SUGCT: variants seen among roughly 807,000 people sequenced by gnomAD.
The protein encoded by SUGCT is succinyl-CoA:glutarate-CoA transferase.
A neutral mutation model predicts 55.0 loss-of-function variants in SUGCT; 41 were observed. The observed-to-expected ratio is 0.74, with a 90% confidence interval of 0.58 to 0.97. The LOEUF is 0.97. Ranked by LOEUF, SUGCT falls within the 50% of genes least tolerant of loss-of-function variation. The probability of loss-of-function intolerance (pLI) is 0.00; values close to 1 mark genes in which losing one functional copy is unlikely to be tolerated. For synonymous variants in SUGCT, 187 were observed against 200.4 expected (o/e 0.93, Z 0.56); for missense variants, 568 against 547.8 (o/e 1.04, Z -0.37).
At chr7:40,620,832 T>A (rs1463582570) in intron 12 of SUGCT, among the ~76,000 whole-genome samples, 1 of 152,228 alleles carries the variant, frequency 6.6e-6, no homozygotes, top group Non-Finnish European at 1.5e-5. Context: ...CTTTCCTCAC[T>A]GTTAGCTAAA....
chr7:40,870,536 A>G, the SUGCT span, among the ~76,000 whole-genome samples: 2 of 152,170 alleles, frequency 1.3e-5, no homozygotes, highest in Admixed American at 1.3e-4. Context: ...AGTCTTTCCC[A>G]TGTAAGATAA....
At chr7:40,731,896 G>T (rs1166431984) in intron 12 of SUGCT, among the ~76,000 whole-genome samples, 1 of 152,084 alleles carries the variant, frequency 6.6e-6, no homozygotes, top group Non-Finnish European at 1.5e-5. Flanking sequence ...AGTCTCTTTT[G>T]GACCAGAAGA....
Position 40,291,114 on chromosome 7 carries a change from C to A in SUGCT, c.720+16458C>A, listed in dbSNP as rs561903492. On this transcript the variant is annotated intron_variant, in intron 8 of 13. Coordinates refer to ENST00000335693, the MANE Select transcript of SUGCT (RefSeq NM_001193313.2). The stretch of plus-strand genomic sequence containing the variant: ...CAGTGTGGTGATTCCTCAGGGATCT[C>A]GAACTAGAAATACCATTTGACTCAG... 2.0e-5 allele frequency among the ~76,000 whole-genome samples: 3 copies of A among 151,920 alleles called. 1 individual carries two copies. The highest frequency in any genetic ancestry group is 4.2e-4 in the South Asian group (2 of 4,816).
the SUGCT span, among the ~76,000 whole-genome samples, chr7:40,903,390 G>A: frequency 2.2e-4 from 34 of 152,272 alleles, no homozygotes; most frequent in South Asian, 7.0e-3. Context: ...AGTTCAGAAA[G>A]GGGGAGAAGA....
intron 9 of SUGCT, among the ~76,000 whole-genome samples, chr7:40,367,810 T>C (rs1205900996): frequency 6.6e-6 from 1 of 152,100 alleles, no homozygotes; most frequent in Non-Finnish European, 1.5e-5. Flanking sequence ...CACTTTTGCC[T>C]CCCAAGCGTC....
intron 9 of SUGCT, among the ~76,000 whole-genome samples, chr7:40,332,187 T>G (rs930827375): frequency 1.3e-5 from 2 of 152,138 alleles, no homozygotes; most frequent in African/African-American, 4.8e-5. Context: ...GAAAACAACT[T>G]CAAGGAAGTC....
At chr7:40,310,661 A>C (rs1795094095) in intron 8 of SUGCT, among the ~76,000 whole-genome samples, 2 of 152,344 alleles carry the variant, frequency 1.3e-5, no homozygotes, top group East Asian at 1.9e-4. Flanking sequence ...AGTTTATTTC[A>C]GATAAAATTC....
chr7:40,737,374 G>A (rs1161729952), intron 12 of SUGCT, among the ~76,000 whole-genome samples: 2 of 152,172 alleles, frequency 1.3e-5, no homozygotes, highest in Non-Finnish European at 2.9e-5. Flanking sequence ...CCTAACAGAT[G>A]TACATATACT....
At chr7:40,731,563 A>G (rs1786889403) in intron 12 of SUGCT, among the ~76,000 whole-genome samples, 1 of 152,200 alleles carries the variant, frequency 6.6e-6, no homozygotes, top group Non-Finnish European at 1.5e-5. Flanking sequence ...AATGAATTGA[A>G]AGAGTGAGGA....
chr7:40,459,938 A>G (rs1042321609), intron 11 of SUGCT, among the ~76,000 whole-genome samples: 48 of 152,266 alleles, frequency 3.2e-4, no homozygotes, highest in Non-Finnish European at 8.8e-5. Flanking sequence ...ATCTGTACAA[A>G]TGGGCTTTGT....
chr7:40,683,658 T>A (rs17437429), intron 12 of SUGCT, among the ~76,000 whole-genome samples: 2 of 152,100 alleles, frequency 1.3e-5, no homozygotes, highest in African/African-American at 4.8e-5. Flanking sequence ...TTGTCAATTA[T>A]GTTGAGAAGA....
intron 1 of SUGCT, among the ~76,000 whole-genome samples, chr7:40,169,361 G>A (rs1241078373): frequency 6.6e-6 from 1 of 152,150 alleles, no homozygotes; most frequent in Non-Finnish European, 1.5e-5. Flanking sequence ...GGACAGGAGA[G>A]TAAGACTGAG....
At chr7:40,958,823 T>G in the SUGCT span, among the ~76,000 whole-genome samples, 463 of 152,292 alleles carry the variant, frequency 3.0e-3, 1 homozygote, top group Non-Finnish European at 5.6e-3. Context: ...ATCTTTGATG[T>G]TGGTGACCTT....
At chr7:40,405,390 G>A (rs182316466) in intron 9 of SUGCT, among the ~76,000 whole-genome samples, 250 of 152,106 alleles carry the variant, frequency 1.6e-3, no homozygotes, top group East Asian at 8.1e-3. Context: ...TTTCTTTACC[G>A]CTAAGATAAT....
the SUGCT span, among the ~76,000 whole-genome samples, chr7:40,963,383 A>T: frequency 6.6e-6 from 1 of 152,162 alleles, no homozygotes; most frequent in Admixed American, 6.5e-5. Flanking sequence ...AGTCTTCCCA[A>T]TGCAGCAAAT....
chr7:40,375,723 C>G (rs149761872), intron 9 of SUGCT, among the ~76,000 whole-genome samples: 2 of 76,628 alleles, frequency 2.6e-5, no homozygotes, highest in Non-Finnish European at 6.0e-5. Flanking sequence ...TTATAATTGT[C>G]TTAAATAAAT....
At chr7:40,890,370 T>C in the SUGCT span, among the ~76,000 whole-genome samples, 1 of 146,940 alleles carries the variant, frequency 6.8e-6, no homozygotes, top group South Asian at 2.1e-4. Context: ...ATAATATAAA[T>C]ATATTAATAT....
At chr7:40,184,650 T>A (rs999749761) in intron 3 of SUGCT, among the ~76,000 whole-genome samples, 1 of 152,098 alleles carries the variant, frequency 6.6e-6, no homozygotes, top group Admixed American at 6.6e-5. Flanking sequence ...GCAGCTTGTT[T>A]TAGAAGTTTT....
chr7:40,607,319 G>A (rs1271887437), intron 12 of SUGCT, among the ~76,000 whole-genome samples: 1 of 152,046 alleles, frequency 6.6e-6, no homozygotes, highest in African/African-American at 2.4e-5. Context: ...GCCCAGGCTG[G>A]TCTCAAACTC....
Sources: allele counts gnomAD v4.1 joint callset (sites outside exome capture counted in the v4.1 genomes callset), GRCh38; gene constraint gnomAD v4.1.1; transcripts MANE v1.5; gene names NCBI Gene and HGNC (gene_info 2026-07-23, HGNC 2026-07-21).